VPS35L: variants seen among roughly 807,000 people sequenced by gnomAD.
VPS35L encodes VPS35 endosomal protein sorting factor like.
A neutral mutation model predicts 133.0 loss-of-function variants in VPS35L; 83 were observed. The observed-to-expected ratio is 0.62, with a 90% CI of 0.52 to 0.75. The LOEUF is 0.75. Ranked by LOEUF, VPS35L falls within the 30% of genes least tolerant of loss-of-function variation. The probability of loss-of-function intolerance (pLI) is 0.00; values close to 1 mark genes in which losing one functional copy is unlikely to be tolerated. For missense variants in VPS35L, 1,083 were observed against 1,206.8 expected, an observed-to-expected ratio of 0.90 and a Z score of 1.52; for synonymous variants, 423 against 449.9, an observed-to-expected ratio of 0.94 and a Z score of 0.76.
chr16:19,622,826 T>A (rs1973126990), intron 14 of VPS35L, among the ~76,000 whole-genome samples: 2 of 152,126 alleles, frequency 1.3e-5, no homozygotes, highest in South Asian at 4.1e-4. Flanking sequence ...TATGATGTGG[T>A]CAATTTTGTC....
At chr16:19,654,391 G>T (rs1466787674) in intron 26 of VPS35L, among the ~76,000 whole-genome samples, 1 of 151,870 alleles carries the variant, frequency 6.6e-6, no homozygotes, top group Non-Finnish European at 1.5e-5. Flanking sequence ...TGTCTTCATT[G>T]TGTGTAGGTC....
In VPS35L at chr16:19,691,483, C is replaced by G. The variant is rs752866754; in HGVS notation, c.2646+12C>G. 34 of 1,596,994 alleles carry G rather than the reference C, an allele frequency of 2.1e-5. No individual in the cohort carries two copies. Among genetic ancestry groups the G allele is most frequent in the Non-Finnish European group, 2.8e-5 (33 of 1,164,610 alleles). ...TGGCCAAGGACGAGGTGGGTGCCCTCTGCTGTCCTCCACCCGCCCCTTGCT... is the reference window on the plus strand; with the variant it reads ...TGGCCAAGGACGAGGTGGGTGCCCTGTGCTGTCCTCCACCCGCCCCTTGCT... On this transcript the variant is annotated intron_variant, in intron 29 of 30. Transcript: ENST00000417362.
At chr16:19,564,444 G>A (rs1378477906) in intron 1 of VPS35L, among the ~76,000 whole-genome samples, 1 of 152,036 alleles carries the variant, frequency 6.6e-6, no homozygotes, top group Non-Finnish European at 1.5e-5. Context: ...TGTGGCCCAG[G>A]CTGGAGTGGA....
In VPS35L at chr16:19,573,226, C is replaced by G. The variant is rs746865470; in HGVS notation, c.393C>G (p.Thr131=). 6.2e-7 allele frequency: 1 copy of G among 1,613,552 alleles called. No individual in the cohort carries two copies. Among genetic ancestry groups the G allele is most frequent in the Admixed American group, 1.7e-5 (1 of 59,970 alleles). Reference sequence around the variant, plus strand: ...AAATCCTTGCCCGGTACACCACTACCGAAAAGCTGTCTATTGTGAGTACCA... The same window carrying G: ...AAATCCTTGCCCGGTACACCACTACGGAAAAGCTGTCTATTGTGAGTACCA... ...RGEILARYTT[T]EKLSINLFMG... The change falls in exon 4 of 31, where the codon ACC becomes ACG. Residue 131 remains threonine, a synonymous_variant. Coordinates refer to ENST00000417362, the MANE Select transcript of VPS35L (RefSeq NM_020314.7).
chr16:19,679,920 T>C (rs1975208885), intron 27 of VPS35L, among the ~76,000 whole-genome samples: 1 of 152,244 alleles, frequency 6.6e-6, no homozygotes, highest in African/African-American at 2.4e-5. Context: ...CACATTCACG[T>C]TGGATATAAT....
chr16:19,621,614 A>G (rs1339394743), intron 14 of VPS35L, among the ~76,000 whole-genome samples: 2 of 152,230 alleles, frequency 1.3e-5, no homozygotes, highest in Non-Finnish European at 2.9e-5. Context: ...GGCTTGTTTC[A>G]ATCTCTGTCT....
intron 7 of VPS35L, among the ~76,000 whole-genome samples, chr16:19,591,446 T>A (rs527257349): frequency 1.1e-4 from 16 of 152,082 alleles, no homozygotes; most frequent in African/African-American, 3.4e-4. Context: ...CCGGGTGCGG[T>A]GGCTCACGCC....
Position 19,633,120 on chromosome 16 carries a change from A to G in VPS35L, c.1583A>G (p.Asp528Gly), listed in dbSNP as rs1311304668. Residue 528 changes from aspartate to glycine, a missense_variant, in exon 19 of 31, where the codon GAT (aspartate) becomes GGT (glycine). Physicochemically the swap from Asp to Gly is moderately conservative, Grantham distance 94. Transcript: ENST00000417362. The surrounding 1 kb of genome is among the most constrained non-coding windows in gnomAD (Gnocchi z 4.1). ...CGAGAGGTGAATACCGTTTTGGCAGATGTCATCAAGCACATGACTCCAGAT... is the reference window on the plus strand; with the variant it reads ...CGAGAGGTGAATACCGTTTTGGCAGGTGTCATCAAGCACATGACTCCAGAT... Reference protein sequence around the residue: ...TKREVNTVLADVIKHMTPDRA... With the variant: ...TKREVNTVLAGVIKHMTPDRA... 3 of 1,614,088 alleles carry G rather than the reference A, an allele frequency of 1.9e-6. No individual in the cohort carries two copies. The highest frequency in any genetic ancestry group is 2.5e-6 in the Non-Finnish European group (3 of 1,180,050).
intron 8 of VPS35L, among the ~76,000 whole-genome samples, chr16:19,598,731 C>T (rs1972289756): frequency 6.6e-6 from 1 of 151,426 alleles, no homozygotes; most frequent in South Asian, 2.1e-4. Flanking sequence ...CTGCAGTGAG[C>T]TGTGATTGCT....
chr16:19,663,407 C>G (rs2151598860), intron 26 of VPS35L, among the ~76,000 whole-genome samples: 1 of 152,278 alleles, frequency 6.6e-6, no homozygotes, highest in East Asian at 1.9e-4. Flanking sequence ...AATAGTTTGG[C>G]ATTTATCTTG....
At chr16:19,579,002 A>G in intron 5 of VPS35L, 50 bp from the exon 6 acceptor site, 1 of 1,460,404 alleles carries the variant, frequency 6.8e-7, no homozygotes, top group Non-Finnish European at 9.6e-7. Context: ...CACTGGGGGT[A>G]TTGGTGCACG....
chr16:19,580,965 T>C (rs1395235911), intron 6 of VPS35L, among the ~76,000 whole-genome samples: 2 of 152,164 alleles, frequency 1.3e-5, no homozygotes, highest in African/African-American at 4.8e-5. Context: ...CTTTTTTCAA[T>C]GGGCACCTCA....
intron 3 of VPS35L, among the ~76,000 whole-genome samples, chr16:19,570,207 A>G (rs1971319143): frequency 6.6e-6 from 1 of 152,038 alleles, no homozygotes; most frequent in Non-Finnish European, 1.5e-5. Context: ...TGGGACAGGC[A>G]TGCACCACCA....
intron 29 of VPS35L, among the ~76,000 whole-genome samples, chr16:19,696,501 G>A (rs1337135055): frequency 6.6e-6 from 1 of 152,168 alleles, no homozygotes; most frequent in Non-Finnish European, 1.5e-5. Flanking sequence ...TTTGGGTGTG[G>A]TGGAGCTGGG....
chr16:19,593,163 T>C (rs1298047775), intron 8 of VPS35L, among the ~76,000 whole-genome samples: 2 of 152,150 alleles, frequency 1.3e-5, no homozygotes, highest in African/African-American at 2.4e-5. Flanking sequence ...CCTGTGCTGC[T>C]TGGCAGTGGT....
intron 15 of VPS35L, among the ~76,000 whole-genome samples, 175 bp from the exon 16 acceptor site, chr16:19,627,519 T>C (rs540638957): frequency 6.6e-6 from 1 of 152,226 alleles, no homozygotes; most frequent in Non-Finnish European, 1.5e-5. Flanking sequence ...GTTGCAGATA[T>C]GTACAGGACA....
chr16:19,682,020 G>T (rs983345178), intron 27 of VPS35L, among the ~76,000 whole-genome samples: 1 of 152,144 alleles, frequency 6.6e-6, no homozygotes, highest in Non-Finnish European at 1.5e-5. Context: ...AGACAGGAGC[G>T]TGTTGATTCG....
At chr16:19,568,297 C>T (rs897690918) in intron 2 of VPS35L, among the ~76,000 whole-genome samples, 2 of 151,000 alleles carry the variant, frequency 1.3e-5, no homozygotes, top group Non-Finnish European at 2.9e-5. Context: ...CTCTTCAAAC[C>T]GCCCCCCCCT....
In VPS35L at chr16:19,633,025, C is replaced by T. The variant is rs987811816; in HGVS notation, c.1555-67C>T. Reference sequence around the variant, plus strand: ...TATTCTGAATACGTTAGTCCTTTCCCCCAGGAACATGGTCAGCAGTTGCCA... The same window carrying T: ...TATTCTGAATACGTTAGTCCTTTCCTCCAGGAACATGGTCAGCAGTTGCCA... On this transcript the variant is annotated intron_variant, in intron 18 of 30. Transcript: ENST00000417362. This position sits in a 1 kb window ranked among gnomAD's most constrained non-coding sequence, Gnocchi z 4.1. 1 of 1,250,954 alleles carries T rather than the reference C, an allele frequency of 8.0e-7. No individual in the cohort carries two copies. The allele number at this position is 1,250,954 out of a possible 1,614,324, so 77.5% of individuals were successfully genotyped here. A position where few individuals can be genotyped will look rare whatever the true frequency, so the allele number is the denominator to read the frequency against.
Sources: gnomAD v4.1 joint callset for allele counts (sites outside exome capture counted in the v4.1 genomes callset) on GRCh38, gnomAD v4.1.1 for gene constraint, Gnocchi (gnomAD v3.1) non-coding constraint, MANE v1.5 for transcripts, NCBI Gene and HGNC (gene_info 2026-07-23, HGNC 2026-07-21) for gene names.